Variants in LCLAT1 observed in about 807,000 individuals in gnomAD.
The protein encoded by LCLAT1 is 1-AGP acyltransferase 8.
In LCLAT1, 11 loss-of-function variants were observed where a neutral mutation model predicts 30.7. The ratio of observed to expected loss-of-function variants is 0.36; its 90% CI spans 0.23 to 0.59. LCLAT1 has a LOEUF of 0.59. Ranked by LOEUF, LCLAT1 falls within the 20% of genes least tolerant of loss-of-function variation. LCLAT1 has a pLI of 0.77. For missense variants in LCLAT1, 402 were observed against 458.6 expected, an observed-to-expected ratio of 0.88 and a Z score of 1.13; for synonymous variants, 155 against 151.3, an observed-to-expected ratio of 1.02 and a Z score of -0.18.
At chr2:30,531,397 T>C (rs904481598) in intron 2 of LCLAT1, among the ~76,000 whole-genome samples, 2 of 152,376 alleles carry the variant, frequency 1.3e-5, no homozygotes, top group Non-Finnish European at 2.9e-5. Context: ...GTAGGGGTTA[T>C]AATTAGTTGA....
chr2:30,508,566 G>A (rs1174446413), intron 1 of LCLAT1, among the ~76,000 whole-genome samples: 3 of 152,046 alleles, frequency 2.0e-5, no homozygotes, highest in Non-Finnish European at 2.9e-5. Flanking sequence ...AGTTGTAGGC[G>A]TGATGCCTTA....
chr2:30,544,024 A>G (rs930401863), intron 3 of LCLAT1, among the ~76,000 whole-genome samples: 2 of 152,156 alleles, frequency 1.3e-5, no homozygotes, highest in African/African-American at 4.8e-5. Flanking sequence ...TTTTTAACAC[A>G]GGTGTTTAGA....
intron 1 of LCLAT1, among the ~76,000 whole-genome samples, chr2:30,474,217 G>A (rs1431049009): frequency 1.3e-5 from 2 of 152,192 alleles, no homozygotes; most frequent in Admixed American, 1.3e-4. Flanking sequence ...GAGCTGGGGA[G>A]AAGCTCAGGA....
rs1255725755 is a variant in LCLAT1, at chr2:30,459,271, T to A, written c.-5+11888T>A. Among the ~76,000 whole-genome samples the A allele has an allele frequency of 2.0e-5, 3 of 152,308 alleles. No homozygotes were observed. The East Asian group carries it at 5.8e-4, about 29-fold the overall frequency. On this transcript the variant is annotated intron_variant, in intron 1 of 5. Coordinates refer to ENST00000379509, the MANE Select transcript of LCLAT1 (RefSeq NM_001002257.3). ...TTCTGGCTCAGGGAGAAGCAGAAGCTCCAAGGACCTGGCCAGTGTTAACAT... is the reference window on the plus strand; with the variant it reads ...TTCTGGCTCAGGGAGAAGCAGAAGCACCAAGGACCTGGCCAGTGTTAACAT...
intron 5 of LCLAT1, 70 bp from the exon 6 acceptor site, chr2:30,640,047 C>A: frequency 1.6e-6 from 2 of 1,256,420 alleles, no homozygotes; most frequent in South Asian, 1.4e-5. Flanking sequence ...TGCTGCCCTG[C>A]AGTGTGAATC....
intron 1 of LCLAT1, among the ~76,000 whole-genome samples, chr2:30,508,948 A>C (rs1334644395): frequency 6.6e-6 from 1 of 152,142 alleles, no homozygotes; most frequent in East Asian, 1.9e-4. Context: ...TTCTTTGAGC[A>C]GTGTTTTGTA....
Position 30,466,765 on chromosome 2 carries a change from T to A in LCLAT1, c.-5+19382T>A, listed in dbSNP as rs564908628. On this transcript the variant is annotated intron_variant, in intron 1 of 5. Coordinates refer to ENST00000379509, the MANE Select transcript of LCLAT1 (RefSeq NM_001002257.3). ...TAACAAGCTCCCCACCCCCTGGTAATCTGGATTAACATCAGCATATGGGAA... is the reference window on the plus strand; with the variant it reads ...TAACAAGCTCCCCACCCCCTGGTAAACTGGATTAACATCAGCATATGGGAA... Among the ~76,000 whole-genome samples the A allele has an allele frequency of 3.3e-4, 50 of 152,296 alleles. 2 individuals carry two copies. The South Asian group carries it at 0.01, about 32-fold the overall frequency.
chr2:30,573,898 TAA>T (rs1665887084), intron 5 of LCLAT1, among the ~76,000 whole-genome samples: 1 of 152,154 alleles, frequency 6.6e-6, no homozygotes, highest in Non-Finnish European at 1.5e-5. Context: ...AATAAAGATT[TAA>T]AATGGCTAAC....
Position 30,634,178 on chromosome 2 carries a change from G to A in LCLAT1, c.629-5939G>A, listed in dbSNP as rs193116416. Among the ~76,000 whole-genome samples, 12 of 152,238 alleles carry A rather than the reference G, an allele frequency of 7.9e-5. No individual in the cohort carries two copies. In the East Asian group the frequency reaches 2.1e-3, roughly 27 times the overall value. On this transcript the variant is annotated intron_variant, in intron 5 of 5. Transcript: ENST00000379509. ...TCTTCCAAGGTATAAACAACTATGG[G>A]CCCAAGTGAGTGTGGTTGTTCTAAC...
chr2:30,601,856 GGATCCT>G (rs1667200112), intron 5 of LCLAT1, among the ~76,000 whole-genome samples: 2 of 146,990 alleles, frequency 1.4e-5, no homozygotes, highest in African/African-American at 5.0e-5. Flanking sequence ...AACAAAACAA[GGATCCT>G]ATAGATATCT....
intron 4 of LCLAT1, among the ~76,000 whole-genome samples, chr2:30,565,896 C>T (rs1024738371): frequency 3.9e-5 from 6 of 152,042 alleles, no homozygotes; most frequent in African/African-American, 1.4e-4. Context: ...AGCAGAAAAG[C>T]GTGCAGCTGT....
At chr2:30,469,755 C>A (rs1001102739) in intron 1 of LCLAT1, among the ~76,000 whole-genome samples, 1 of 151,732 alleles carries the variant, frequency 6.6e-6, no homozygotes, top group Non-Finnish European at 1.5e-5. Flanking sequence ...GGACTACAGG[C>A]ATGTGCCACC....
intron 5 of LCLAT1, among the ~76,000 whole-genome samples, chr2:30,576,331 C>T (rs17009821): frequency 0.071 from 10,821 of 152,012 alleles, 416 homozygotes; most frequent in Middle Eastern, 0.099. Context: ...ATATTTTTGT[C>T]GGTTTCCCAT....
intron 1 of LCLAT1, among the ~76,000 whole-genome samples, chr2:30,509,193 T>C (rs185318939): frequency 5.3e-5 from 8 of 152,314 alleles, no homozygotes; most frequent in African/African-American, 1.7e-4. Context: ...TTTCTAGATA[T>C]AGGTTCATGT....
intron 1 of LCLAT1, among the ~76,000 whole-genome samples, chr2:30,452,746 T>G (rs1032798390): frequency 6.6e-6 from 1 of 152,230 alleles, no homozygotes; most frequent in African/African-American, 2.4e-5. Flanking sequence ...AGGACTGCTG[T>G]AATTCCTTTG....
At chr2:30,586,083 A>C (rs1666421549) in intron 5 of LCLAT1, among the ~76,000 whole-genome samples, 1 of 151,912 alleles carries the variant, frequency 6.6e-6, no homozygotes, top group East Asian at 1.9e-4. Context: ...CTACTAAAAA[A>C]ATACAAAAAA....
intron 3 of LCLAT1, among the ~76,000 whole-genome samples, chr2:30,543,535 C>A (rs1664251045): frequency 6.6e-6 from 1 of 152,044 alleles, no homozygotes; most frequent in Admixed American, 6.5e-5. Context: ...TAAAGGAATT[C>A]ACCAGTGAAG....
intron 1 of LCLAT1, among the ~76,000 whole-genome samples, chr2:30,492,759 A>C (rs201114285): frequency 1.3e-5 from 2 of 152,162 alleles, no homozygotes. Flanking sequence ...AGTGCATGAA[A>C]TTGGCTTGTT....
chr2:30,494,955 T>A (rs79344876), intron 1 of LCLAT1, among the ~76,000 whole-genome samples: 2 of 139,462 alleles, frequency 1.4e-5, no homozygotes, highest in Admixed American at 7.0e-5. Flanking sequence ...GAAGTGTGAT[T>A]TTTTTTTTTT....
Sources: allele counts gnomAD v4.1 joint callset (sites outside exome capture counted in the v4.1 genomes callset), GRCh38; gene constraint gnomAD v4.1.1; transcripts MANE v1.5; gene names NCBI Gene and HGNC (gene_info 2026-07-23, HGNC 2026-07-21).